The following CACNB4 variants were observed in gnomAD, a reference collection of about 807,000 sequenced individuals.
The protein encoded by CACNB4 is calcium voltage-gated channel auxiliary subunit beta 4, also known as voltage-dependent L-type calcium channel subunit beta-4.
CACNB4 carries 32 observed loss-of-function variants against 71.2 expected under a neutral mutation model. The observed-to-expected ratio is 0.45, with a 90% CI of 0.34 to 0.60. The LOEUF (loss-of-function observed/expected upper bound fraction) is 0.60, where lower values mean the gene tolerates loss of function less well. Among genes scored for constraint, CACNB4 ranks in the 20% least tolerant of loss-of-function variants. The pLI, the probability that CACNB4 is intolerant of heterozygous loss-of-function variation, is 0.01. For synonymous variants in CACNB4, 231 were observed against 236.9 expected, an observed-to-expected ratio of 0.97 and a Z score of 0.23; for missense variants, 464 against 647.9, an observed-to-expected ratio of 0.72 and a Z score of 3.08.
chr2:152,062,328 G>A (rs557478454), intron 2 of CACNB4, among the ~76,000 whole-genome samples: 3 of 152,120 alleles, frequency 2.0e-5, no homozygotes, highest in Admixed American at 1.3e-4. Context: ...GGCCAGTCCA[G>A]TCACACCACT....
At chr2:151,983,675 T>TCA (rs1553803380) in intron 2 of CACNB4, among the ~76,000 whole-genome samples, 7,775 of 141,412 alleles carry the variant, frequency 0.055, 232 homozygotes, top group Non-Finnish European at 0.061. Context: ...TAAACTTTGG[T>TCA]CACACACACA....
chr2:151,839,967 C>T (rs2099835762), intron 13 of CACNB4, among the ~76,000 whole-genome samples: 1 of 152,166 alleles, frequency 6.6e-6, no homozygotes, highest in African/African-American at 2.4e-5. Flanking sequence ...CTAATTGATA[C>T]ATTTATAAAT....
intron 2 of CACNB4, among the ~76,000 whole-genome samples, chr2:152,093,099 C>T (rs1276178748): frequency 2.0e-5 from 3 of 152,122 alleles, no homozygotes; most frequent in Admixed American, 6.6e-5. Flanking sequence ...CCCCAATGTA[C>T]ATTATTTGCT....
At chr2:151,982,356 G>A (rs1468727625) in intron 2 of CACNB4, among the ~76,000 whole-genome samples, 1 of 151,872 alleles carries the variant, frequency 6.6e-6, no homozygotes, top group African/African-American at 2.4e-5. Flanking sequence ...ACTGCCAGCC[G>A]GGCACAGTGG....
chr2:151,995,490 G>A (rs1256379235), intron 2 of CACNB4, among the ~76,000 whole-genome samples: 1 of 152,190 alleles, frequency 6.6e-6, no homozygotes, highest in African/African-American at 2.4e-5. Flanking sequence ...TAACAGACAT[G>A]CTTTATTAAA....
intron 2 of CACNB4, among the ~76,000 whole-genome samples, chr2:151,900,251 A>G (rs1034584356): frequency 1.3e-5 from 2 of 152,232 alleles, no homozygotes; most frequent in Admixed American, 6.5e-5. Context: ...ATCTGTGTTC[A>G]TGAAACAAGG....
chr2:152,087,430 T>C (rs1483125014), intron 2 of CACNB4, among the ~76,000 whole-genome samples: 9 of 87,040 alleles, frequency 1.0e-4, no homozygotes, highest in African/African-American at 4.6e-4. Context: ...GGACCCCATC[T>C]CAAAAAAAAA....
chr2:151,974,030 G>A, intron 2 of CACNB4: 1 of 1,081,668 alleles, frequency 9.2e-7, no homozygotes, highest in Admixed American at 4.7e-5. Flanking sequence ...TCAGTCAGCT[G>A]AAGAGCGTTC....
chr2:151,925,841 G>A (rs1387253525), intron 2 of CACNB4, among the ~76,000 whole-genome samples: 3 of 152,134 alleles, frequency 2.0e-5, no homozygotes, highest in African/African-American at 7.2e-5. Flanking sequence ...CTGATGGATT[G>A]GATGCAGGAT....
intron 2 of CACNB4, among the ~76,000 whole-genome samples, chr2:151,974,675 C>T (rs1180383574): frequency 6.6e-6 from 1 of 152,172 alleles, no homozygotes; most frequent in Non-Finnish European, 1.5e-5. Context: ...TGGCATTGGT[C>T]TTTTCCCCAA....
intron 2 of CACNB4, among the ~76,000 whole-genome samples, chr2:152,083,704 T>C (rs1687494529): frequency 6.6e-6 from 1 of 152,268 alleles, no homozygotes; most frequent in African/African-American, 2.4e-5. Context: ...CAATTTGTGC[T>C]GGCTTTCTGT....
At chr2:151,846,362 G>A (rs761147034) in intron 12 of CACNB4, among the ~76,000 whole-genome samples, 14 of 152,010 alleles carry the variant, frequency 9.2e-5, no homozygotes, top group Non-Finnish European at 1.6e-4. Context: ...AAAGACACTG[G>A]GTAAGTCTTC....
chr2:151,998,651 AC>A (rs1682212962), intron 2 of CACNB4, among the ~76,000 whole-genome samples: 1 of 152,124 alleles, frequency 6.6e-6, no homozygotes, highest in Non-Finnish European at 1.5e-5. Context: ...TCTCCCCTCC[AC>A]GGGGGCACTA....
chr2:152,029,487 C>G (rs1464118233), intron 2 of CACNB4, among the ~76,000 whole-genome samples: 1 of 78,052 alleles, frequency 1.3e-5, no homozygotes, highest in African/African-American at 5.3e-5. Context: ...GAGCGAGACT[C>G]GATCTCAAAA....
At chr2:151,843,136 C>T (rs1353926177) in intron 12 of CACNB4, among the ~76,000 whole-genome samples, 12 of 152,154 alleles carry the variant, frequency 7.9e-5, no homozygotes, top group Admixed American at 6.5e-5. Flanking sequence ...CTGGTCTGTA[C>T]TCAGGAAGTT....
intron 2 of CACNB4, among the ~76,000 whole-genome samples, chr2:152,019,481 A>G (rs1226345312): frequency 6.6e-6 from 1 of 151,906 alleles, no homozygotes; most frequent in African/African-American, 2.4e-5. Flanking sequence ...TACTCAGTAC[A>G]TGTTTAATTG....
At chr2:152,018,982 T>A (rs911899541) in intron 2 of CACNB4, among the ~76,000 whole-genome samples, 1 of 151,528 alleles carries the variant, frequency 6.6e-6, no homozygotes, top group Non-Finnish European at 1.5e-5. Flanking sequence ...GTGGGTGAAG[T>A]CAAGGGGGAA....
chr2:151,868,737 G>C (rs983486914), intron 9 of CACNB4: 2 of 150,604 alleles, frequency 1.3e-5, no homozygotes, highest in African/African-American at 4.9e-5. Context: ...CTTCTTTTGA[G>C]GAAATTCAGT....
At chr2:151,993,930 G>A (rs932420435) in intron 2 of CACNB4, among the ~76,000 whole-genome samples, 1 of 151,120 alleles carries the variant, frequency 6.6e-6, no homozygotes, top group Non-Finnish European at 1.5e-5. Flanking sequence ...CCAGCACTTT[G>A]GGAGGTCAAG....
Sources: allele counts gnomAD v4.1 joint callset (sites outside exome capture counted in the v4.1 genomes callset), GRCh38; gene constraint gnomAD v4.1.1; transcripts MANE v1.5; gene names NCBI Gene and HGNC (gene_info 2026-07-23, HGNC 2026-07-21).